ATP2B2: variants seen among roughly 807,000 people sequenced by gnomAD.
The protein encoded by ATP2B2 is plasma membrane calcium-transporting ATPase 2.
Under a neutral mutation model 120.0 loss-of-function variants are expected in ATP2B2, and 15 were observed. The ratio of observed to expected loss-of-function variants is 0.12; its 90% CI spans 0.08 to 0.19. The LOEUF is 0.19. Ranked by LOEUF, ATP2B2 falls within the 10% of genes least tolerant of loss-of-function variation. The pLI is 1.00. For missense variants in ATP2B2, 1,045 were observed against 1,719.8 expected (o/e 0.61, Z 6.94); for synonymous variants, 694 against 700.3 (o/e 0.99, Z 0.14).
intron 2 of ATP2B2, among the ~76,000 whole-genome samples, chr3:10,437,127 A>G (rs9831638): frequency 0.042 from 6,421 of 152,188 alleles, 406 homozygotes; most frequent in African/African-American, 0.14. Context: ...CGTGGTTGAA[A>G]AATCTGGGAC....
chr3:10,596,044 A>C (rs9824267), intron 2 of ATP2B2, among the ~76,000 whole-genome samples: 74,639 of 151,940 alleles, frequency 0.49, 20,257 homozygotes, highest in Non-Finnish European at 0.62. Flanking sequence ...CCCGCTTGTC[A>C]CTCAGCTCTC....
rs137887778 is a variant in ATP2B2 at position 10,559,064 on chromosome 3, C to CA, written c.-414-24932dup. Among the ~76,000 whole-genome samples, 405 of 152,360 alleles carry CA rather than the reference C, an allele frequency of 2.7e-3. 1 individual carries two copies. The highest frequency in any genetic ancestry group is 9.2e-3 in the African/African-American group (382 of 41,582). ...AGAAATGCTTTTCTTCCCTAAGAAACACTCTCTGCTGATCCAGGCTCCTCA... is the reference window on the plus strand; with the variant it reads ...AGAAATGCTTTTCTTCCCTAAGAAACAACTCTCTGCTGATCCAGGCTCCTCA... On this transcript the variant is annotated intron_variant, in intron 2 of 21. Transcript: ENST00000646379.
chr3:10,538,335 C>T (rs62238452), intron 2 of ATP2B2, among the ~76,000 whole-genome samples: 1 of 152,060 alleles, frequency 6.6e-6, no homozygotes, highest in Non-Finnish European at 1.5e-5. Flanking sequence ...GAAAATATTC[C>T]CATCAATAGA....
intron 1 of ATP2B2, among the ~76,000 whole-genome samples, chr3:10,683,165 T>A (rs565256207): frequency 1.1e-3 from 151 of 132,118 alleles, no homozygotes; most frequent in African/African-American, 4.2e-3. Context: ...AAAAAAAAAT[T>A]TTTTTTTTTA....
chr3:10,632,598 A>G (rs1448499786), intron 1 of ATP2B2, among the ~76,000 whole-genome samples: 1 of 152,198 alleles, frequency 6.6e-6, no homozygotes, highest in East Asian at 1.9e-4. Context: ...TAAACATTGG[A>G]GGAGGAGTTG....
intron 2 of ATP2B2, among the ~76,000 whole-genome samples, chr3:10,541,321 T>A (rs1052443202): frequency 3.3e-5 from 5 of 152,224 alleles, no homozygotes; most frequent in African/African-American, 1.2e-4. Context: ...TTGGGTTTAT[T>A]TTGCTCTTCC....
intron 1 of ATP2B2, among the ~76,000 whole-genome samples, chr3:10,459,712 A>G (rs1016078841): frequency 6.6e-6 from 1 of 152,218 alleles, no homozygotes; most frequent in African/African-American, 2.4e-5. Context: ...AAAAATGATA[A>G]CAGCAACACC....
chr3:10,623,963 T>A (rs1424650527), intron 1 of ATP2B2, among the ~76,000 whole-genome samples: 1 of 152,046 alleles, frequency 6.6e-6, no homozygotes, highest in Non-Finnish European at 1.5e-5. Flanking sequence ...GGGGCCCGAG[T>A]TTCCTTGTCT....
chr3:10,605,036 G>A (rs971008631), intron 2 of ATP2B2, among the ~76,000 whole-genome samples: 1 of 152,164 alleles, frequency 6.6e-6, no homozygotes, highest in Non-Finnish European at 1.5e-5. Context: ...ACAGCCTTCT[G>A]TGTCCCCACT....
chr3:10,545,465 G>A (rs1282904559), intron 2 of ATP2B2, among the ~76,000 whole-genome samples: 9 of 151,600 alleles, frequency 5.9e-5, no homozygotes, highest in South Asian at 2.1e-4. Context: ...GGAGGTGGAA[G>A]TTACAGTGAG....
At chr3:10,393,771 G>T (rs2061936505) in intron 5 of ATP2B2, among the ~76,000 whole-genome samples, 1 of 152,046 alleles carries the variant, frequency 6.6e-6, no homozygotes, top group Non-Finnish European at 1.5e-5. Flanking sequence ...GTCCTGTCCT[G>T]GTCCTGTGGA....
intron 1 of ATP2B2, among the ~76,000 whole-genome samples, chr3:10,630,163 T>A (rs1274634169): frequency 6.6e-6 from 1 of 152,234 alleles, no homozygotes; most frequent in Non-Finnish European, 1.5e-5. Context: ...ATTTTAAAAT[T>A]TTTTATTTTT....
chr3:10,514,535 T>C (rs2066838599), intron 3 of ATP2B2, among the ~76,000 whole-genome samples: 2 of 152,128 alleles, frequency 1.3e-5, no homozygotes, highest in Non-Finnish European at 2.9e-5. Context: ...GCCGCTGCAT[T>C]CCTGTGTCCA....
intron 2 of ATP2B2, among the ~76,000 whole-genome samples, chr3:10,419,045 T>C (rs1444260628): frequency 6.6e-6 from 1 of 152,248 alleles, no homozygotes; most frequent in Non-Finnish European, 1.5e-5. Context: ...GGTTCAGTGC[T>C]GGTGACTTGG....
intron 3 of ATP2B2, among the ~76,000 whole-genome samples, chr3:10,531,451 T>C (rs1270489262): frequency 6.6e-6 from 1 of 152,254 alleles, no homozygotes; most frequent in African/African-American, 2.4e-5. Context: ...TCTGCTTCAG[T>C]TTCTTCCTTT....
intron 1 of ATP2B2, among the ~76,000 whole-genome samples, chr3:10,651,744 A>AATGG (rs36070242): frequency 0.044 from 6,704 of 150,654 alleles, 173 homozygotes; most frequent in South Asian, 0.079. Flanking sequence ...TGCATGTATG[A>AATGG]ATGGATGGAT....
intron 2 of ATP2B2, among the ~76,000 whole-genome samples, chr3:10,541,146 T>C (rs995620385): frequency 3.3e-5 from 5 of 152,196 alleles, no homozygotes; most frequent in African/African-American, 1.2e-4. Flanking sequence ...GTGTCTTCTC[T>C]TTCTGTCTTG....
In ATP2B2 at chr3:10,358,522, C is replaced by T. The variant is rs530404484; in HGVS notation, c.2136+169G>A. On this transcript the variant is annotated intron_variant, in intron 14 of 22. Transcript: ENST00000360273. ...GCCGACCCATGCCACATGTGGTCTA[C>T]ACTGTTTCTCATGGGCAATCCTCTT... Among the ~76,000 whole-genome samples the T allele has an allele frequency of 3.9e-5, 6 of 152,340 alleles. No individual in the cohort carries two copies. In the South Asian group the frequency reaches 8.3e-4, roughly 21 times the overall value.
At chr3:10,598,416 G>T (rs1420531922) in intron 2 of ATP2B2, among the ~76,000 whole-genome samples, 1 of 152,170 alleles carries the variant, frequency 6.6e-6, no homozygotes, top group Non-Finnish European at 1.5e-5. Context: ...GATTAAGAAG[G>T]ATGACACAAG....
Sources: allele counts gnomAD v4.1 joint callset (sites outside exome capture counted in the v4.1 genomes callset), GRCh38; gene constraint gnomAD v4.1.1; transcripts MANE v1.5; gene names NCBI Gene and HGNC (gene_info 2026-07-23, HGNC 2026-07-21).